The following TMCC3 variants were observed in gnomAD, a reference collection of about 807,000 sequenced individuals.
TMCC3 encodes the protein transmembrane and coiled-coil domain protein 3.
Under a neutral mutation model 40.2 loss-of-function variants are expected in TMCC3, and 28 were observed. The observed-to-expected ratio is 0.70, with a 90% CI of 0.52 to 0.95. TMCC3 has a LOEUF of 0.95. Among genes scored for constraint, TMCC3 ranks in the 40% least tolerant of loss-of-function variants. The pLI is 0.00. For synonymous variants in TMCC3, 255 were observed against 248.5 expected, an observed-to-expected ratio of 1.03 and a Z score of -0.25; for missense variants, 554 against 615.2, an observed-to-expected ratio of 0.90 and a Z score of 1.05.
At chr12:94,621,450 T>C (rs968237119) in intron 1 of TMCC3, among the ~76,000 whole-genome samples, 4 of 152,192 alleles carry the variant, frequency 2.6e-5, no homozygotes, top group African/African-American at 9.7e-5. Flanking sequence ...ACCCCATTCT[T>C]ATGTCCAAGT....
chr12:94,584,309 G>A (rs1415131638), intron 1 of TMCC3, among the ~76,000 whole-genome samples: 3 of 152,018 alleles, frequency 2.0e-5, no homozygotes, highest in Non-Finnish European at 2.9e-5. Flanking sequence ...TCCTGCTTTC[G>A]CCGTGGGAAG....
Position 94,590,603 on chromosome 12 carries a change from G to A in TMCC3, c.79-8065C>T, listed in dbSNP as rs565851078. On this transcript the variant is annotated intron_variant, in intron 1 of 3. Coordinates refer to ENST00000261226, the MANE Select transcript of TMCC3 (RefSeq NM_020698.4). ...CAGCAGATAAGCCCTGGATCTGCCT[G>A]GAGGGAAGGGAGAGTGCCCTTCTCT... Among the ~76,000 whole-genome samples the A allele has an allele frequency of 1.6e-4, 25 of 152,298 alleles. No individual in the cohort carries two copies. The South Asian group carries it at 4.3e-3, about 26-fold the overall frequency.
intron 1 of TMCC3, among the ~76,000 whole-genome samples, chr12:94,584,330 C>G (rs561617705): frequency 2.0e-5 from 3 of 152,126 alleles, no homozygotes; most frequent in Non-Finnish European, 4.4e-5. Context: ...TGCCTGCTCC[C>G]GCTCTGCCTT....
chr12:94,592,681 A>AAAAAAAAAAAAAAAAAAAAAAAAAAC (rs2068685899), intron 1 of TMCC3, among the ~76,000 whole-genome samples: 1 of 148,532 alleles, frequency 6.7e-6, no homozygotes. Context: ...AAAAAAAAAA[A>AAAAAAAAAAAAAAAAAAAAAAAAAAC]AATTCTATTT....
intron 3 of TMCC3, among the ~76,000 whole-genome samples, chr12:94,572,981 G>A (rs2068541886): frequency 6.6e-6 from 1 of 152,088 alleles, no homozygotes; most frequent in Non-Finnish European, 1.5e-5. Context: ...TGTATCTCTA[G>A]GCCAGTTCTT....
intron 1 of TMCC3, among the ~76,000 whole-genome samples, chr12:94,646,101 T>A (rs1362237122): frequency 6.6e-6 from 1 of 152,192 alleles, no homozygotes; most frequent in Non-Finnish European, 1.5e-5. Context: ...TGCAAATGGT[T>A]CTGTAGGGAA....
chr12:94,620,710 A>T (rs963140456), intron 1 of TMCC3, among the ~76,000 whole-genome samples: 5 of 152,198 alleles, frequency 3.3e-5, no homozygotes, highest in African/African-American at 1.2e-4. Context: ...TCTTTGCTAA[A>T]CACGAACTAG....
intron 1 of TMCC3, among the ~76,000 whole-genome samples, chr12:94,650,008 C>T (rs2069045496): frequency 6.6e-6 from 1 of 152,106 alleles, no homozygotes; most frequent in African/African-American, 2.4e-5. Flanking sequence ...CGCGGGGCCG[C>T]GGGTGGCCGG....
chr12:94,617,621 T>C (rs1447986849), intron 1 of TMCC3, among the ~76,000 whole-genome samples: 1 of 152,224 alleles, frequency 6.6e-6, no homozygotes, highest in Non-Finnish European at 1.5e-5. Context: ...AGGCACAGAT[T>C]CTCAAATATT....
At chr12:94,606,370 CTTTT>C (rs11361924) in intron 1 of TMCC3, among the ~76,000 whole-genome samples, 9 of 141,666 alleles carry the variant, frequency 6.4e-5, no homozygotes, top group Admixed American at 7.1e-5. Context: ...TTTTCTTATT[CTTTT>C]TTTTTTTTTT....
chr12:94,635,856 A>G (rs2138880506), intron 1 of TMCC3, among the ~76,000 whole-genome samples: 1 of 151,878 alleles, frequency 6.6e-6, no homozygotes, highest in South Asian at 2.1e-4. Context: ...TTTAGTAGAG[A>G]CAGGGTTTCA....
chr12:94,627,333 G>T (rs532313025), intron 1 of TMCC3, among the ~76,000 whole-genome samples: 3 of 152,274 alleles, frequency 2.0e-5, no homozygotes, highest in African/African-American at 7.2e-5. Context: ...CTTTACCACA[G>T]CCTGCATTTA....
intron 1 of TMCC3, among the ~76,000 whole-genome samples, chr12:94,594,229 A>C (rs796652083): frequency 4.6e-5 from 7 of 151,278 alleles, no homozygotes; most frequent in African/African-American, 1.7e-4. Flanking sequence ...ACACACACAC[A>C]CACAGAGTGA....
intron 1 of TMCC3, among the ~76,000 whole-genome samples, chr12:94,629,812 T>G (rs1281300369): frequency 2.0e-5 from 3 of 152,236 alleles, no homozygotes; most frequent in Non-Finnish European, 2.9e-5. Flanking sequence ...TGATTTATCT[T>G]CTTTTCAGGA....
At chr12:94,649,150 A>G (rs1280079902) in intron 1 of TMCC3, among the ~76,000 whole-genome samples, 1 of 152,264 alleles carries the variant, frequency 6.6e-6, no homozygotes, top group Non-Finnish European at 1.5e-5. Flanking sequence ...AAAAACTCAA[A>G]TCATCCTTCC....
chr12:94,619,710 AATG>A (rs889373267), intron 1 of TMCC3, among the ~76,000 whole-genome samples: 2 of 152,250 alleles, frequency 1.3e-5, no homozygotes, highest in African/African-American at 4.8e-5. Flanking sequence ...TATAGAGAAA[AATG>A]TACACAAGTT....
chr12:94,615,934 C>T, intron 1 of TMCC3: 1 of 985,496 alleles, frequency 1.0e-6, no homozygotes, highest in Non-Finnish European at 1.2e-6. Flanking sequence ...AAGGGCCACA[C>T]AGCAAACCCA....
chr12:94,635,453 T>C (rs1254356612), intron 1 of TMCC3, among the ~76,000 whole-genome samples: 2 of 152,154 alleles, frequency 1.3e-5, no homozygotes, highest in Admixed American at 1.3e-4. Flanking sequence ...CTATGTACCA[T>C]AACAGTGTTT....
At chr12:94,591,761 C>CTAAA (rs1478354334) in intron 1 of TMCC3, among the ~76,000 whole-genome samples, 33 of 152,192 alleles carry the variant, frequency 2.2e-4, no homozygotes, top group Middle Eastern at 3.4e-3. Context: ...GACCCTGTCT[C>CTAAA]TAAATAAATA....
Sources: allele counts gnomAD v4.1 joint callset (sites outside exome capture counted in the v4.1 genomes callset), GRCh38; gene constraint gnomAD v4.1.1; transcripts MANE v1.5; gene names NCBI Gene and HGNC (gene_info 2026-07-23, HGNC 2026-07-21).